The following MGAT4C variants were observed in gnomAD, a reference collection of about 807,000 sequenced individuals.
MGAT4C encodes alpha-1,3-mannosyl-glycoprotein 4-beta-N-acetylglucosaminyltransferase C.
MGAT4C carries 19 observed loss-of-function variants against 40.1 expected under a neutral mutation model. The ratio of observed to expected loss-of-function variants is 0.47; its 90% CI spans 0.33 to 0.70. The LOEUF (loss-of-function observed/expected upper bound fraction) is 0.70. Ranked by LOEUF, MGAT4C falls within the 30% of genes least tolerant of loss-of-function variation. MGAT4C has a pLI of 0.02. For missense variants in MGAT4C, 491 were observed against 563.2 expected, an observed-to-expected ratio of 0.87 and a Z score of 1.30; for synonymous variants, 181 against 187.1, an observed-to-expected ratio of 0.97 and a Z score of 0.27.
intron 1 of MGAT4C, among the ~76,000 whole-genome samples, chr12:86,142,851 T>A (rs1372689082): frequency 6.6e-6 from 1 of 152,036 alleles, no homozygotes; most frequent in Non-Finnish European, 1.5e-5. Flanking sequence ...TAACCACCAA[T>A]GCAACTGTAT....
At chr12:86,302,923 A>G (rs1213765255) in intron 4 of MGAT4C, among the ~76,000 whole-genome samples, 1 of 150,736 alleles carries the variant, frequency 6.6e-6, no homozygotes, top group Non-Finnish European at 1.5e-5. Context: ...CAAGATTCCA[A>G]GAAGCAATGA....
At chr12:86,413,944 C>T (rs1390307682) in intron 3 of MGAT4C, among the ~76,000 whole-genome samples, 1 of 151,998 alleles carries the variant, frequency 6.6e-6, no homozygotes, top group Non-Finnish European at 1.5e-5. Context: ...TTGTTTTGTT[C>T]AGTAACTATT....
chr12:86,076,535 G>A (rs555112136), intron 1 of MGAT4C, among the ~76,000 whole-genome samples: 3 of 151,518 alleles, frequency 2.0e-5, no homozygotes, highest in South Asian at 2.1e-4. Context: ...AAGACATACC[G>A]GAAACTGGGA....
At chr12:86,788,500 A>G (rs1365556277) in intron 1 of MGAT4C, among the ~76,000 whole-genome samples, 1 of 152,132 alleles carries the variant, frequency 6.6e-6, no homozygotes, top group Non-Finnish European at 1.5e-5. Context: ...TTCCTGTCCT[A>G]TACAAGGACT....
intron 2 of MGAT4C, among the ~76,000 whole-genome samples, chr12:86,707,685 C>A (rs561481464): frequency 6.6e-6 from 1 of 152,020 alleles, no homozygotes; most frequent in African/African-American, 2.4e-5. Context: ...CACATGCTGC[C>A]GTACCATGCT....
At chr12:86,011,893 ATG>A in intron 2 of MGAT4C, 1 of 982,746 alleles carries the variant, frequency 1.0e-6, no homozygotes, top group South Asian at 4.7e-5. Flanking sequence ...TCCATGTCAC[ATG>A]CTACTGCCTG....
chr12:86,012,080 A>T (rs1360416843), intron 2 of MGAT4C, among the ~76,000 whole-genome samples: 7 of 152,220 alleles, frequency 4.6e-5, no homozygotes, highest in Admixed American at 6.5e-5. Flanking sequence ...GGTTTATTTG[A>T]AAAGTCGTAA....
intron 1 of MGAT4C, among the ~76,000 whole-genome samples, chr12:86,160,898 G>T (rs528736310): frequency 6.6e-6 from 1 of 152,094 alleles, no homozygotes; most frequent in Admixed American, 6.6e-5. Context: ...ACCAACTCCT[G>T]CTTTTTTGTG....
At chr12:86,544,484 G>A (rs1391253127) in intron 2 of MGAT4C, among the ~76,000 whole-genome samples, 1 of 151,956 alleles carries the variant, frequency 6.6e-6, no homozygotes, top group Non-Finnish European at 1.5e-5. Flanking sequence ...GTTAATTTTA[G>A]TTGGATAGTG....
chr12:86,716,199 A>C (rs1950642919), intron 2 of MGAT4C, among the ~76,000 whole-genome samples: 1 of 152,170 alleles, frequency 6.6e-6, no homozygotes, highest in Admixed American at 6.6e-5. Context: ...GGAGGTACAT[A>C]TAAACATTAA....
intron 1 of MGAT4C, among the ~76,000 whole-genome samples, chr12:86,132,791 C>CAAAAAAAAA (rs60321690): frequency 8.5e-5 from 8 of 93,726 alleles, no homozygotes; most frequent in African/African-American, 1.7e-4. Flanking sequence ...GACTCCGTCT[C>CAAAAAAAAA]AAAAAAAAAA....
intron 2 of MGAT4C, among the ~76,000 whole-genome samples, chr12:86,618,481 A>C (rs1962531987): frequency 6.6e-6 from 1 of 152,230 alleles, no homozygotes; most frequent in Non-Finnish European, 1.5e-5. Context: ...ACACAACTGA[A>C]TACTATTTGG....
At chr12:86,456,686 C>T (rs1204175361) in intron 2 of MGAT4C, among the ~76,000 whole-genome samples, 3 of 151,970 alleles carry the variant, frequency 2.0e-5, no homozygotes, top group Admixed American at 6.6e-5. Flanking sequence ...CTCTTTAACC[C>T]TTTTAGCAAA....
chr12:86,449,279 G>C (rs1957386961), intron 2 of MGAT4C, among the ~76,000 whole-genome samples: 1 of 152,112 alleles, frequency 6.6e-6, no homozygotes, highest in African/African-American at 2.4e-5. Context: ...GTATTACTGT[G>C]AAAAAGGAAT....
At chr12:86,686,177 CTG>C (rs1389296088) in intron 2 of MGAT4C, among the ~76,000 whole-genome samples, 2 of 151,968 alleles carry the variant, frequency 1.3e-5, no homozygotes, top group Non-Finnish European at 2.9e-5. Context: ...CTGCACCCGG[CTG>C]AATGCTTGTG....
intron 3 of MGAT4C, among the ~76,000 whole-genome samples, chr12:86,416,674 G>T (rs1956723144): frequency 6.6e-6 from 1 of 152,072 alleles, no homozygotes; most frequent in African/African-American, 2.4e-5. Context: ...ATGGGTTTTG[G>T]ATGAGCACAT....
intron 1 of MGAT4C, among the ~76,000 whole-genome samples, chr12:86,087,088 T>C (rs1011570352): frequency 7.9e-5 from 12 of 152,116 alleles, no homozygotes; most frequent in African/African-American, 2.9e-4. Context: ...GACACTTAGG[T>C]TGATTCCATA....
At chr12:86,140,554 T>C (rs986867560) in intron 1 of MGAT4C, among the ~76,000 whole-genome samples, 1 of 152,102 alleles carries the variant, frequency 6.6e-6, no homozygotes, top group African/African-American at 2.4e-5. Flanking sequence ...AAATACCTAA[T>C]GTAGATGACG....
chr12:86,078,605 C>T (rs191776664), intron 1 of MGAT4C, among the ~76,000 whole-genome samples: 6 of 152,314 alleles, frequency 3.9e-5, no homozygotes, highest in East Asian at 3.9e-4. Flanking sequence ...GGTGCTATAT[C>T]GAAGGCTCAG....
Sources: gnomAD v4.1 joint callset for allele counts (sites outside exome capture counted in the v4.1 genomes callset) on GRCh38, gnomAD v4.1.1 for gene constraint, MANE v1.5 for transcripts, NCBI Gene and HGNC (gene_info 2026-07-23, HGNC 2026-07-21) for gene names.